The following BTG4 variants were observed in gnomAD, a reference collection of about 807,000 sequenced individuals.
The protein encoded by BTG4 is protein BTG4.
Under a neutral mutation model 19.3 loss-of-function variants are expected in BTG4, and 10 were observed. That is an observed-to-expected ratio of 0.52 (90% confidence interval 0.32 to 0.88). The LOEUF (loss-of-function observed/expected upper bound fraction) is 0.88. Ranked by LOEUF, BTG4 falls within the 40% of genes least tolerant of loss-of-function variation. BTG4 has a pLI of 0.04. For missense variants in BTG4, 238 were observed against 281.9 expected, an observed-to-expected ratio of 0.84 and a Z score of 1.11; for synonymous variants, 91 against 95.7, an observed-to-expected ratio of 0.95 and a Z score of 0.29.
intron 1 of BTG4, among the ~76,000 whole-genome samples, chr11:111,502,074 C>T (rs9633937): frequency 0.32 from 48,570 of 151,820 alleles, 7,928 homozygotes; most frequent in Middle Eastern, 0.38. Context: ...AACTGTTGCA[C>T]TTTGGAATCA....
chr11:111,445,861 G>A, the BTG4 span, among the ~76,000 whole-genome samples: 1 of 152,226 alleles, frequency 6.6e-6, no homozygotes, highest in Admixed American at 6.5e-5. Flanking sequence ...ACAGCCCCTA[G>A]GATCCCTTCC....
chr11:111,387,460 C>CA, the BTG4 span, among the ~76,000 whole-genome samples: 322 of 152,332 alleles, frequency 2.1e-3, no homozygotes, highest in African/African-American at 7.2e-3. Flanking sequence ...GAGATTGCAT[C>CA]AACCCAAGTG....
At position 111,495,133 on chromosome 11, in the gene BTG4, C is replaced by T. The variant is rs765968342; in HGVS notation, c.*2G>A. On this transcript the variant is annotated 3_prime_UTR_variant, in exon 5 of 5. Coordinates refer to ENST00000692032, the MANE Select transcript of BTG4 (RefSeq NM_001367975.1). ...TTGCCCACCACGTGCCCAGTCGCTG[C>T]GTCATCGGTGTGTGTTGACCCAGTG... The T allele has an allele frequency of 7.2e-6, 11 of 1,527,836 alleles. No homozygotes were observed. The highest frequency in any genetic ancestry group is 5.6e-5 in the African/African-American group (4 of 71,048). 94.6% of individuals were successfully genotyped at this position (1,527,836 alleles called of 1,614,324 possible).
the BTG4 span, among the ~76,000 whole-genome samples, chr11:111,384,561 A>G: frequency 6.6e-6 from 1 of 152,230 alleles, no homozygotes; most frequent in African/African-American, 2.4e-5. Flanking sequence ...AGTATTTAAG[A>G]AAATGAACAC....
chr11:111,441,104 C>A, the BTG4 span, among the ~76,000 whole-genome samples: 2 of 141,314 alleles, frequency 1.4e-5, no homozygotes, highest in South Asian at 2.5e-4. Flanking sequence ...GGCCAGAGAC[C>A]GCTCTCTTTT....
chr11:111,476,907 A>G (rs1382398460), intron 5 of BTG4, among the ~76,000 whole-genome samples: 1 of 152,172 alleles, frequency 6.6e-6, no homozygotes, highest in African/African-American at 2.4e-5. Flanking sequence ...AACTTTATTT[A>G]GCTACCCACA....
the BTG4 span, chr11:111,456,580 G>A: frequency 4.4e-6 from 2 of 455,946 alleles, no homozygotes; most frequent in East Asian, 1.4e-4. The surrounding 1 kb of genome is among the most constrained non-coding windows in gnomAD (Gnocchi z 4.2). Flanking sequence ...GATGGTCCCT[G>A]GCCCCAACTC....
chr11:111,401,268 C>T, the BTG4 span, among the ~76,000 whole-genome samples: 5 of 152,052 alleles, frequency 3.3e-5, no homozygotes, highest in East Asian at 1.9e-4. Flanking sequence ...GGGCGGATCA[C>T]GAGGTCAGGA....
intron 5 of BTG4, among the ~76,000 whole-genome samples, chr11:111,489,578 T>C (rs1325242326): frequency 6.6e-6 from 1 of 152,176 alleles, no homozygotes; most frequent in Non-Finnish European, 1.5e-5. Context: ...GTGGTACATA[T>C]ACACAATGGA....
At chr11:111,416,339 T>C in the BTG4 span, 5 of 152,128 alleles carry the variant, frequency 3.3e-5, no homozygotes, top group African/African-American at 1.2e-4. Context: ...TCTCTCGTTT[T>C]CTCACTCTGG....
intron 5 of BTG4, among the ~76,000 whole-genome samples, chr11:111,476,686 A>C (rs1040311122): frequency 6.6e-6 from 1 of 152,168 alleles, no homozygotes; most frequent in Non-Finnish European, 1.5e-5. Flanking sequence ...TCGTGCTTTC[A>C]TGGCACAGAT....
At chr11:111,416,310 C>T in the BTG4 span, 2 of 152,026 alleles carry the variant, frequency 1.3e-5, 1 homozygote, top group South Asian at 4.2e-4. Context: ...CTCTCTCCCT[C>T]TCTTTCTCTC....
chr11:111,413,737 T>C, the BTG4 span, among the ~76,000 whole-genome samples: 11 of 152,188 alleles, frequency 7.2e-5, no homozygotes, highest in African/African-American at 2.4e-4. Flanking sequence ...GGGACCTATA[T>C]CAGAGTGTGT....
chr11:111,485,001 T>C (rs1239552427), intron 5 of BTG4, among the ~76,000 whole-genome samples: 2 of 152,090 alleles, frequency 1.3e-5, no homozygotes, highest in Non-Finnish European at 2.9e-5. Context: ...AGACAAAAAC[T>C]GTAAAAGAGA....
At chr11:111,397,806 G>A in the BTG4 span, 9 of 152,298 alleles carry the variant, frequency 5.9e-5, no homozygotes, top group South Asian at 8.3e-4. Flanking sequence ...TCAGCAGAAC[G>A]TTCAGGAAAT....
chr11:111,464,107 C>T (rs1323410823), downstream of BTG4, among the ~76,000 whole-genome samples: 1 of 152,234 alleles, frequency 6.6e-6, no homozygotes, highest in Non-Finnish European at 1.5e-5. Flanking sequence ...AGTGATTCTC[C>T]TGCCTCAGCC....
At chr11:111,412,683 T>C in the BTG4 span, among the ~76,000 whole-genome samples, 17 of 152,092 alleles carry the variant, frequency 1.1e-4, no homozygotes, top group South Asian at 6.2e-4. Context: ...CCCCACTTTA[T>C]AGGAAAGAAA....
the BTG4 span, among the ~76,000 whole-genome samples, chr11:111,436,783 G>A: frequency 1.3e-5 from 2 of 152,110 alleles, no homozygotes; most frequent in Non-Finnish European, 2.9e-5. Context: ...ACCTTCCCGC[G>A]CCTGCCCCTC....
intron 5 of BTG4, among the ~76,000 whole-genome samples, chr11:111,471,322 T>C (rs1864048728): frequency 6.6e-6 from 1 of 152,204 alleles, no homozygotes; most frequent in African/African-American, 2.4e-5. Flanking sequence ...TCTCTATTAG[T>C]TACTAAGGCA....
Sources: gnomAD v4.1 joint callset for allele counts (sites outside exome capture counted in the v4.1 genomes callset) on GRCh38, gnomAD v4.1.1 for gene constraint, Gnocchi (gnomAD v3.1) non-coding constraint, MANE v1.5 for transcripts, NCBI Gene and HGNC (gene_info 2026-07-23, HGNC 2026-07-21) for gene names.